Variants in ZNF138 observed in about 807,000 individuals in gnomAD.
ZNF138 encodes zinc finger protein 138 (clone pHZ-32).
In ZNF138, 33 loss-of-function variants were observed where a neutral mutation model predicts 33.0. The ratio of observed to expected loss-of-function variants is 1.00; its 90% CI spans 0.76 to 1.34. The LOEUF (loss-of-function observed/expected upper bound fraction) is 1.34, where lower values mean the gene tolerates loss of function less well. ZNF138 is among the 40% of genes most tolerant of loss of function. ZNF138 has a pLI of 0.00. For synonymous variants in ZNF138, 139 were observed against 120.4 expected, an observed-to-expected ratio of 1.15 and a Z score of -1.01; for missense variants, 360 against 370.8, an observed-to-expected ratio of 0.97 and a Z score of 0.24.
intron 3 of ZNF138, among the ~76,000 whole-genome samples, chr7:64,816,708 C>T (rs954171488): frequency 2.6e-5 from 4 of 151,916 alleles, no homozygotes; most frequent in Non-Finnish European, 5.9e-5. Context: ...ACTTTCAATG[C>T]TATGTTAAAA....
the ZNF138 span, among the ~76,000 whole-genome samples, chr7:64,848,321 T>C: frequency 6.6e-6 from 1 of 152,146 alleles, no homozygotes; most frequent in South Asian, 2.1e-4. Flanking sequence ...TCCAAACTTC[T>C]TGGAAGCTTT....
chr7:64,814,183 T>C, intron 1 of ZNF138: 1 of 1,055,430 alleles, frequency 9.5e-7, no homozygotes, highest in African/African-American at 1.7e-5. Context: ...TCAGACTTTA[T>C]TCCATATCTT....
At chr7:64,835,788 A>T (rs1357477932), downstream of ZNF138, 1 of 152,134 alleles carries the variant, frequency 6.6e-6, no homozygotes, top group Admixed American at 6.5e-5. Context: ...GAGTAGACAG[A>T]TCTTGAGATG....
At chr7:64,838,985 T>G in the ZNF138 span, among the ~76,000 whole-genome samples, 2 of 152,190 alleles carry the variant, frequency 1.3e-5, no homozygotes, top group Admixed American at 6.5e-5. Context: ...ACAAGATTAA[T>G]GGCAAGAGAG....
chr7:64,852,737 GC>G, the ZNF138 span: 1 of 978,342 alleles, frequency 1.0e-6, no homozygotes. Context: ...CACAGCCACT[GC>G]CCCCTGTGTC....
the ZNF138 span, among the ~76,000 whole-genome samples, chr7:64,851,724 AAC>A: frequency 0.039 from 5,924 of 152,286 alleles, 177 homozygotes; most frequent in East Asian, 0.14. Flanking sequence ...CGATAAAGAA[AAC>A]AGTTAATGGT....
At chr7:64,853,378 A>G in the ZNF138 span, 2 of 1,309,626 alleles carry the variant, frequency 1.5e-6, no homozygotes, top group Non-Finnish European at 2.2e-6. Context: ...CACTCTCCTC[A>G]CAGCTCAGCC....
At chr7:64,794,596 CGAGA>C in intron 1 of ZNF138, 25 bp downstream of exon 1, 1 of 1,613,344 alleles carries the variant, frequency 6.2e-7, no homozygotes, top group Non-Finnish European at 8.5e-7. Context: ...TCCGACATCC[CGAGA>C]GAGGGGGAGG....
At chr7:64,840,529 T>G in the ZNF138 span, among the ~76,000 whole-genome samples, 1 of 152,306 alleles carries the variant, frequency 6.6e-6, no homozygotes, top group Non-Finnish European at 1.5e-5. Flanking sequence ...ATTAATCAGA[T>G]AAGGGCAAAT....
rs1370563350 is a variant in ZNF138, at chr7:64,803,441, A to C, written c.3+8870A>C. ...TCCTTTGACAGAAAACAGATTATCCAAGGTAATTATTTAATATTTGCAGGC... is the reference window on the plus strand; with the variant it reads ...TCCTTTGACAGAAAACAGATTATCCCAGGTAATTATTTAATATTTGCAGGC... On this transcript the variant is annotated intron_variant, in intron 1 of 3. Transcript: ENST00000307355. Among the ~76,000 whole-genome samples, 7 of 152,162 alleles carry C rather than the reference A, an allele frequency of 4.6e-5. 1 individual carries two copies. The highest frequency in any genetic ancestry group is 1.0e-4 in the Non-Finnish European group (7 of 68,032).
intron 1 of ZNF138, among the ~76,000 whole-genome samples, chr7:64,808,363 A>C (rs1787783522): frequency 6.6e-6 from 1 of 152,232 alleles, no homozygotes; most frequent in Non-Finnish European, 1.5e-5. Context: ...TATGGCCATT[A>C]GAAAAATAGA....
At chr7:64,839,975 T>A in the ZNF138 span, among the ~76,000 whole-genome samples, 30 of 143,210 alleles carry the variant, frequency 2.1e-4, no homozygotes, top group African/African-American at 7.1e-4. Context: ...TTATGGATGC[T>A]GGGTGAGGAG....
At chr7:64,825,753 G>T (rs1346627988) in intron 3 of ZNF138, among the ~76,000 whole-genome samples, 1 of 149,692 alleles carries the variant, frequency 6.7e-6, no homozygotes, top group Admixed American at 6.7e-5. Flanking sequence ...TTGGCCAGAT[G>T]GTCTCGATCT....
intron 1 of ZNF138, among the ~76,000 whole-genome samples, chr7:64,796,128 C>A (rs940833925): frequency 6.6e-6 from 1 of 152,162 alleles, no homozygotes; most frequent in Admixed American, 6.5e-5. Context: ...GAGGGGAGAA[C>A]ACAGAAATAA....
chr7:64,852,054 C>T, the ZNF138 span, among the ~76,000 whole-genome samples: 1 of 152,216 alleles, frequency 6.6e-6, no homozygotes, highest in Non-Finnish European at 1.5e-5. Flanking sequence ...TGCTCTTTGA[C>T]ATGACTACGA....
chr7:64,848,625 CCTT>C, the ZNF138 span, among the ~76,000 whole-genome samples: 1 of 151,052 alleles, frequency 6.6e-6, no homozygotes, highest in Non-Finnish European at 1.5e-5. Context: ...TAATAACTGA[CCTT>C]CTGAATTATT....
At chr7:64,803,157 G>A (rs1787286906) in intron 1 of ZNF138, among the ~76,000 whole-genome samples, 2 of 150,824 alleles carry the variant, frequency 1.3e-5, no homozygotes, top group African/African-American at 4.9e-5. Flanking sequence ...TGAAAGATAT[G>A]TAAATCATAT....
intron 1 of ZNF138, among the ~76,000 whole-genome samples, chr7:64,798,902 T>C (rs1786913370): frequency 6.7e-6 from 1 of 149,018 alleles, no homozygotes. Context: ...CATTGTTCTA[T>C]GAGCCTTTTT....
chr7:64,810,543 C>G (rs1788085639), intron 1 of ZNF138, among the ~76,000 whole-genome samples: 1 of 99,570 alleles, frequency 1.0e-5, no homozygotes, highest in Admixed American at 1.1e-4. Flanking sequence ...CTCTAGAAAA[C>G]CCTAAGAGAT....
Sources: allele counts gnomAD v4.1 joint callset (sites outside exome capture counted in the v4.1 genomes callset), GRCh38; gene constraint gnomAD v4.1.1; transcripts MANE v1.5; gene names NCBI Gene and HGNC (gene_info 2026-07-23, HGNC 2026-07-21).